ANAPC4: variants seen among roughly 807,000 people sequenced by gnomAD.
The protein encoded by ANAPC4 is anaphase promoting complex subunit 4.
ANAPC4 carries 63 observed loss-of-function variants against 119.8 expected under a neutral mutation model. The observed-to-expected ratio is 0.53, with a 90% CI of 0.43 to 0.65. The LOEUF is 0.65. Among genes scored for constraint, ANAPC4 ranks in the 30% least tolerant of loss-of-function variants. The pLI is 0.00. For missense variants in ANAPC4, 716 were observed against 945.1 expected (o/e 0.76, Z 3.18); for synonymous variants, 283 against 318.6 (o/e 0.89, Z 1.19).
chr4:25,377,368 C>T (rs1297754246), intron 1 of ANAPC4, 24 bp downstream of exon 1: 1 of 1,599,600 alleles, frequency 6.3e-7, no homozygotes, highest in Non-Finnish European at 8.5e-7. Context: ...CGGGGCTCCT[C>T]GTGGAGAGCC....
chr4:25,386,203 G>C (rs998698534), intron 4 of ANAPC4, among the ~76,000 whole-genome samples: 1 of 151,730 alleles, frequency 6.6e-6, no homozygotes, highest in African/African-American at 2.4e-5. Flanking sequence ...ATAAGCCTCA[G>C]CGCCTGGCCT....
In ANAPC4 at chr4:25,393,819, A is replaced by G; in HGVS notation, c.804A>G (p.Ser268=). 1 of 1,599,306 alleles carries G rather than the reference A, an allele frequency of 6.3e-7. No homozygotes were observed. The change falls in exon 11 of 29, where the codon TCA becomes TCG. Residue 268 remains serine, a synonymous_variant. Transcript: ENST00000315368. The part of the protein sequence containing the change: ...ISALLQYINL[S]LTCMCEAWEE... ...TTTGCTAATAGTATATAAATTTGTCACTAACATGTATGTGTGAAGCATGGG... is the reference window on the plus strand; with the variant it reads ...TTTGCTAATAGTATATAAATTTGTCGCTAACATGTATGTGTGAAGCATGGG...
chr4:25,388,997 T>C (rs980572696), intron 7 of ANAPC4, 115 bp downstream of exon 7: 1 of 974,206 alleles, frequency 1.0e-6, no homozygotes, highest in Non-Finnish European at 1.5e-6. Flanking sequence ...TTGTTTTTTG[T>C]TTTTGTTTTC....
chr4:25,396,886 A>G lies in ANAPC4; in HGVS notation c.1201A>G (p.Asn401Asp), dbSNP rs1266625680. The G allele has an allele frequency of 6.2e-7, 1 of 1,612,452 alleles. No individual in the cohort carries two copies. Among genetic ancestry groups the G allele is most frequent in the Non-Finnish European group, 8.5e-7 (1 of 1,179,490 alleles). Residue 401 changes from asparagine (N) to aspartate (D), a missense_variant, in exon 16 of 29, where the codon AAT (asparagine) becomes GAT (aspartate). Asn to Asp is a conservative substitution (Grantham distance 23). Around this residue, in one of 3 missense-constraint regions of ANAPC4, gnomAD observed 504 missense variants for 615.8 expected, o/e 0.82. Coordinates refer to ENST00000315368, the MANE Select transcript of ANAPC4 (RefSeq NM_013367.3). Reference sequence around the variant, plus strand: ...TGTGGGTTCTTTTATACTCAAGGCAAATGAACTTCTTCAGTAAGTATTGGG... The same window carrying G: ...TGTGGGTTCTTTTATACTCAAGGCAGATGAACTTCTTCAGTAAGTATTGGG... ...TAVGSFILKA[N>D]ELLQVIDSSM...
chr4:25,390,230 C>CT lies in ANAPC4; in HGVS notation c.600+13dup. The CT allele has an allele frequency of 6.3e-7, 1 of 1,586,974 alleles. No homozygotes were observed. ...TGCTCGAGTCACAGGGGTAAGATTT[C>CT]TTTAACATTTTCTCTTCCTAAATTA... On this transcript the variant is annotated intron_variant, in intron 8 of 28. Transcript: ENST00000315368.
At chr4:25,414,290 C>G (rs1487339515) in intron 22 of ANAPC4, 34 bp from the exon 23 acceptor site, 2 of 1,386,168 alleles carry the variant, frequency 1.4e-6, no homozygotes, top group Admixed American at 2.0e-5. Context: ...CATATTAACG[C>G]TCTAATTATA....
intron 3 of ANAPC4, 31 bp from the exon 4 acceptor site, chr4:25,383,230 A>G (rs1187792358): frequency 6.4e-7 from 1 of 1,572,818 alleles, no homozygotes; most frequent in Non-Finnish European, 8.6e-7. Context: ...TTGTTACACT[A>G]ATTTATTCTG....
At position 25,377,620 on chromosome 4, in the gene ANAPC4, GC is replaced by G. The variant is rs1384125663; in HGVS notation, c.129+67del. Reference sequence around the variant, plus strand: ...CTCCCGGGGGGCCCAAGAACACCGAGCCCGAGCCTGTTCATTCGGGCCACAG... The same window carrying G: ...CTCCCGGGGGGCCCAAGAACACCGAGCCGAGCCTGTTCATTCGGGCCACAG... On this transcript the variant is annotated intron_variant, in intron 2 of 28. Transcript: ENST00000315368. 9 of 1,500,374 alleles carry G rather than the reference GC, an allele frequency of 6.0e-6. 1 individual carries two copies. The highest frequency in any genetic ancestry group is 8.0e-6 in the Non-Finnish European group (9 of 1,127,542). The allele number at this position is 1,500,374 out of a possible 1,614,324, so 92.9% of individuals were successfully genotyped here.
chr4:25,398,833 G>A (rs1722795537), intron 16 of ANAPC4, among the ~76,000 whole-genome samples: 1 of 151,730 alleles, frequency 6.6e-6, no homozygotes, highest in African/African-American at 2.4e-5. Flanking sequence ...TGATAATAAG[G>A]GAGTCATAGA....
At chr4:25,412,591 C>T (rs1250595869) in intron 21 of ANAPC4, among the ~76,000 whole-genome samples, 1 of 151,884 alleles carries the variant, frequency 6.6e-6, no homozygotes, top group Non-Finnish European at 1.5e-5. Context: ...GAAACCCTAT[C>T]TCTACTAAAA....
chr4:25,407,244 A>G lies in ANAPC4; in HGVS notation c.1422A>G (p.Arg474=). ...AAGGAAAATACTTTAACGTTGAAAG[A>G]GTTGGTCAGGTATGGGCTTTGAACT... ...NRKGKYFNVE[R]VGQYLKDEDD... is the part of the protein sequence containing the mutation. The change falls in exon 20 of 29, where the codon AGA becomes AGG. Residue 474 remains arginine (R), a synonymous_variant. Transcript: ENST00000315368. 6.2e-7 allele frequency: 1 copy of G among 1,608,454 alleles called. No homozygotes were observed. Among genetic ancestry groups the G allele is most frequent in the Non-Finnish European group, 8.5e-7 (1 of 1,178,130 alleles).
At chr4:25,388,311 AC>A (rs1722154546) in intron 4 of ANAPC4, among the ~76,000 whole-genome samples, 188 bp from the exon 5 acceptor site, 1 of 119,270 alleles carries the variant, frequency 8.4e-6, no homozygotes, top group Non-Finnish European at 2.1e-5. Flanking sequence ...CCCTAAAATA[AC>A]AGAAATTCCT....
chr4:25,384,445 TAGA>T (rs1002778654), intron 4 of ANAPC4, among the ~76,000 whole-genome samples: 20 of 152,254 alleles, frequency 1.3e-4, no homozygotes, highest in African/African-American at 3.9e-4. Flanking sequence ...GAATCCTTTC[TAGA>T]AGGTTTTCAG....
chr4:25,388,679 TAA>T lies in ANAPC4; in HGVS notation c.444-37_444-36del, dbSNP rs556401366. The T allele has an allele frequency of 6.3e-3, 9,881 of 1,579,906 alleles. 41 individuals are homozygous for T. The highest frequency in any genetic ancestry group is 7.3e-3 in the Non-Finnish European group (8,477 of 1,156,502). On this transcript the variant is annotated intron_variant, in intron 5 of 28. Coordinates refer to ENST00000315368, the MANE Select transcript of ANAPC4 (RefSeq NM_013367.3). ...TGCGTTTTAAAATATGTATTTTTAC[TAA>T]GAGTATTTTTTACCTTAATCTCTGT... is the stretch of plus-strand genomic sequence containing the variant.
chr4:25,396,170 C>A (rs1268662999), intron 14 of ANAPC4, among the ~76,000 whole-genome samples: 1 of 152,190 alleles, frequency 6.6e-6, no homozygotes, highest in Non-Finnish European at 1.5e-5. Flanking sequence ...TATACCTGCA[C>A]CCCATGTGTT....
intron 25 of ANAPC4, 50 bp downstream of exon 25, chr4:25,414,750 G>A (rs1269059569): frequency 2.1e-6 from 3 of 1,404,830 alleles, no homozygotes; most frequent in Non-Finnish European, 2.8e-6. Flanking sequence ...TTTATTATTT[G>A]TAAGAATGAA....
chr4:25,403,667 G>A (rs1358869030), intron 17 of ANAPC4, among the ~76,000 whole-genome samples: 1 of 152,180 alleles, frequency 6.6e-6, no homozygotes, highest in East Asian at 1.9e-4. Flanking sequence ...TATTTAAGTG[G>A]ATTGAAATCC....
At chr4:25,395,342 G>A (rs778667055) in intron 14 of ANAPC4, 2 of 152,966 alleles carry the variant, frequency 1.3e-5, no homozygotes, top group African/African-American at 4.8e-5. Context: ...GTTACTAAGT[G>A]TCGGAGCCAA....
At chr4:25,411,313 C>T (rs7698046) in intron 21 of ANAPC4, among the ~76,000 whole-genome samples, 27,533 of 152,092 alleles carry the variant, frequency 0.18, 2,567 homozygotes, top group African/African-American at 0.22. Context: ...TATTATTGAT[C>T]CAGGGAACTT....
Sources: allele counts gnomAD v4.1 joint callset (sites outside exome capture counted in the v4.1 genomes callset), GRCh38; gene constraint gnomAD v4.1.1; regional missense constraint gnomAD v4.1.1; transcripts MANE v1.5; gene names NCBI Gene and HGNC (gene_info 2026-07-23, HGNC 2026-07-21).